Variants in UVSSA observed in about 807,000 individuals in gnomAD.
UVSSA encodes UV stimulated scaffold protein A.
In UVSSA, 72 loss-of-function variants were observed where a neutral mutation model predicts 73.9. The observed-to-expected ratio is 0.97, with a 90% CI of 0.81 to 1.19. The LOEUF is 1.19. Ranked by LOEUF, UVSSA falls within the 50% of genes most tolerant of loss-of-function variation. UVSSA has a pLI of 0.00. For synonymous variants in UVSSA, 454 were observed against 391.3 expected (o/e 1.16, Z -1.89); for missense variants, 1,150 against 965.0 (o/e 1.19, Z -2.54).
intron 7 of UVSSA, chr4:1,356,686 G>A (rs1715818465): frequency 6.6e-6 from 1 of 152,310 alleles, no homozygotes; most frequent in Non-Finnish European, 1.5e-5. Context: ...GGCAGCCGCA[G>A]GACCGGGCCC....
chr4:1,355,106 C>T lies in UVSSA; in HGVS notation c.1048-11C>T, dbSNP rs761599571. ...GCCGGCCCCTGAGCTGTTCGCACCC[C>T]CGTTTCGCAGCGCTTCACCCGCGTC... On this transcript the variant is annotated splice_polypyrimidine_tract_variant and intron_variant, in intron 6 of 13. Transcript: ENST00000389851. The T allele has an allele frequency of 4.3e-6, 7 of 1,613,264 alleles. No homozygotes were observed. Among genetic ancestry groups the T allele is most frequent in the Non-Finnish European group, 5.1e-6 (6 of 1,179,706 alleles).
rs139749595 is a variant in UVSSA at position 1,380,126 on chromosome 4, C to G, written c.1648C>G (p.Arg550Gly). The G allele has an allele frequency of 6.2e-7, 1 of 1,612,830 alleles. No individual in the cohort carries two copies. Among genetic ancestry groups the G allele is most frequent in the Non-Finnish European group, 8.5e-7 (1 of 1,179,958 alleles). ...VVNADISEML[R>G]SRHITFAGKF... ...CAATGCCGACATCTCCGAGATGCTC[C>G]GGAGCCGCCACATCACTTTTGCCGG... Residue 550 changes from arginine to glycine, a missense_variant, in exon 11 of 14, where the codon CGG becomes GGG. By Grantham distance (125) the Arg-to-Gly change is moderately radical. Coordinates refer to ENST00000389851, the MANE Select transcript of UVSSA (RefSeq NM_020894.4).
At position 1,385,880 on chromosome 4, in the gene UVSSA, G is replaced by T. The variant is rs1233162832; in HGVS notation, c.2049G>T (p.Arg683=). The change falls in exon 14 of 14, where the codon CGG becomes CGT. Residue 683 remains arginine, a synonymous_variant. Transcript: ENST00000389851. ...TGTTTCCCCACAGGGCAGCTGTGCG[G>T]AGGGTAGTGGCAGCCATGAACCGGA... ...GRKVFAKAAV[R]RVVAAMNRMD... 6.2e-7 allele frequency: 1 copy of T among 1,614,106 alleles called. No homozygotes were observed. The highest frequency in any genetic ancestry group is 2.2e-5 in the East Asian group (1 of 44,882).
rs1309593361 is a variant in UVSSA, at chr4:1,387,534, A to C, written c.*1573A>C. On this transcript the variant is annotated 3_prime_UTR_variant, in exon 14 of 14. Transcript: ENST00000389851. ...ATTTCAGAAGCCATCACCTAATCCAAGATCACAGAGATTTACACCTAGTTT... is the reference window on the plus strand; with the variant it reads ...ATTTCAGAAGCCATCACCTAATCCACGATCACAGAGATTTACACCTAGTTT... 1 of 152,210 alleles carries C rather than the reference A, an allele frequency of 6.6e-6. No homozygotes were observed. The highest frequency in any genetic ancestry group is 1.5e-5 in the Non-Finnish European group (1 of 68,048). The allele number at this position is 152,210 out of a possible 1,614,324, so 9.4% of individuals were successfully genotyped here.
chr4:1,377,971 T>C (rs948371644), intron 10 of UVSSA, among the ~76,000 whole-genome samples: 2 of 152,190 alleles, frequency 1.3e-5, no homozygotes, highest in African/African-American at 4.8e-5. Flanking sequence ...GGGTGCCACA[T>C]GTGCCCCACA....
At chr4:1,371,494 A>G (rs1010216322) in intron 8 of UVSSA, among the ~76,000 whole-genome samples, 1 of 152,118 alleles carries the variant, frequency 6.6e-6, no homozygotes, top group Non-Finnish European at 1.5e-5. Flanking sequence ...TGCATAGTGT[A>G]TTACTCCGTT....
rs369421055 is a variant in UVSSA at position 1,394,981 on chromosome 4, G to A, written c.*9020G>A. 3.2e-6 allele frequency: 5 copies of A among 1,565,972 alleles called. No individual in the cohort carries two copies. In the Admixed American group the frequency reaches 5.9e-5, roughly 19 times the overall value. Reference sequence around the variant, plus strand: ...TCACACGTGCCCATGCGGAGTGCCCGCCTGCTCACACGTGCCGACGTGGAG... The same window carrying A: ...TCACACGTGCCCATGCGGAGTGCCCACCTGCTCACACGTGCCGACGTGGAG... On this transcript the variant is annotated 3_prime_UTR_variant, in exon 14 of 14. Transcript: ENST00000511216.
At chr4:1,349,924 G>A in intron 3 of UVSSA, 70 bp downstream of exon 3, 1 of 1,367,338 alleles carries the variant, frequency 7.3e-7, no homozygotes, top group Non-Finnish European at 9.7e-7. Flanking sequence ...ATACCAGGGT[G>A]AAGATGCGCC....
rs750609200 is a variant in UVSSA, at chr4:1,353,221, G to C, written c.742G>C (p.Gly248Arg). 1.2e-6 allele frequency: 2 copies of C among 1,612,112 alleles called. No homozygotes were observed. The highest frequency in any genetic ancestry group is 1.7e-6 in the Non-Finnish European group (2 of 1,179,840). ...CRSGTPDPRD[G>R]EQPCCSRDLP... ...GTCTGGCACCCCTGACCCCCGGGAC[G>C]GGGAGCAGCCCTGCTGCAGTAGAGA... The change falls in exon 5 of 14, where the codon GGG (glycine) becomes CGG (arginine). Residue 248 changes from glycine to arginine, a missense_variant. Gly to Arg is a moderately radical substitution (Grantham distance 125). Transcript: ENST00000389851.
At chr4:1,383,246 G>A (rs1254787057) in intron 12 of UVSSA, among the ~76,000 whole-genome samples, 3 of 152,318 alleles carry the variant, frequency 2.0e-5, no homozygotes, top group South Asian at 2.1e-4. Flanking sequence ...TTGGATCAAC[G>A]AAAAAGAAAA....
intron 3 of UVSSA, 26 bp from the exon 4 acceptor site, chr4:1,351,689 C>G: frequency 6.2e-7 from 1 of 1,610,638 alleles, no homozygotes; most frequent in Non-Finnish European, 8.5e-7. Context: ...GCGCCTGTCC[C>G]CTAGTCTTTA....
chr4:1,395,370 T>A (rs752738343), exon 14 of UVSSA: 30 of 1,524,486 alleles, frequency 2.0e-5, no homozygotes, highest in Non-Finnish European at 2.6e-5. Context: ...TGTGCCGATG[T>A]GGAGTGCCCG....
chr4:1,361,300 G>A (rs1716592770), intron 7 of UVSSA, among the ~76,000 whole-genome samples: 1 of 152,252 alleles, frequency 6.6e-6, no homozygotes, highest in African/African-American at 2.4e-5. Context: ...CCCAAGGGCA[G>A]GTCTGTCTGA....
chr4:1,354,820 C>T lies in UVSSA; in HGVS notation c.1020C>T (p.Phe340=). 1.2e-6 allele frequency: 2 copies of T among 1,613,048 alleles called. No individual in the cohort carries two copies. Among genetic ancestry groups the T allele is most frequent in the Non-Finnish European group, 1.7e-6 (2 of 1,179,788 alleles). ...CACTCAAGCTCATCCGGAACAAGTT[C>T]CTGCCGGCTGTGTGCTCGTGGATCC... The part of the protein sequence containing the change: ...RDTLKLIRNK[F]LPAVCSWIQR... Residue 340 remains phenylalanine, a synonymous_variant, in exon 6 of 14, where the codon TTC becomes TTT. Transcript: ENST00000389851.
intron 5 of UVSSA, 57 bp from the exon 6 acceptor site, chr4:1,354,678 G>C: frequency 6.6e-7 from 1 of 1,513,032 alleles, no homozygotes; most frequent in Non-Finnish European, 9.1e-7. Flanking sequence ...GCCTCTCCGG[G>C]GCCTGTGGGA....
chr4:1,351,787 G>C lies in UVSSA; in HGVS notation c.502G>C (p.Asp168His). ...AGAAGAGGAGAAGCAGAAGCACTTG[G>C]ATAAAATTTATCAAGAAAGAGCCAG... ...KREEEKQKHL[D>H]KIYQERASQA... The change falls in exon 4 of 14, where the codon GAT becomes CAT. Residue 168 changes from aspartate (D) to histidine (H), a missense_variant. Transcript: ENST00000389851. The C allele has an allele frequency of 6.2e-7, 1 of 1,613,720 alleles. No homozygotes were observed. The highest frequency in any genetic ancestry group is 8.5e-7 in the Non-Finnish European group (1 of 1,179,892).
intron 10 of UVSSA, among the ~76,000 whole-genome samples, chr4:1,379,647 C>T (rs763507549): frequency 2.6e-5 from 4 of 152,226 alleles, no homozygotes; most frequent in Non-Finnish European, 4.4e-5. Context: ...TGTGGATGCC[C>T]CGTTGGCCTT....
At chr4:1,344,745 G>T (rs80328628), upstream of UVSSA, among the ~76,000 whole-genome samples, 2,213 of 152,296 alleles carry the variant, frequency 0.015, 64 homozygotes, top group African/African-American at 0.051. Flanking sequence ...CAGTAAGTCT[G>T]TGTGACACAA....
chr4:1,376,130 C>T lies in UVSSA; in HGVS notation c.1530C>T (p.Tyr510=). The change falls in exon 10 of 14, where the codon TAC becomes TAT. Residue 510 remains tyrosine (Y), a synonymous_variant. Transcript: ENST00000389851. ...PVVPYGVDLH[Y]WGQELPTAGK... ...TGCCCTACGGCGTGGACCTGCACTA[C>T]TGGGGCCAGGAGCTCCCCACAGCCG... 1.2e-6 allele frequency: 2 copies of T among 1,610,378 alleles called. No homozygotes were observed. The highest frequency in any genetic ancestry group is 8.5e-7 in the Non-Finnish European group (1 of 1,178,904).
Sources: allele counts gnomAD v4.1 joint callset (sites outside exome capture counted in the v4.1 genomes callset), GRCh38; gene constraint gnomAD v4.1.1; transcripts MANE v1.5; gene names NCBI Gene and HGNC (gene_info 2026-07-23, HGNC 2026-07-21).